The following SULF1 variants were observed in gnomAD, a reference collection of about 807,000 sequenced individuals.
The protein encoded by SULF1 is sulfatase 1, also known as extracellular sulfatase Sulf-1.
Under a neutral mutation model 110.5 loss-of-function variants are expected in SULF1, and 46 were observed. The observed-to-expected ratio is 0.42, with a 90% CI of 0.33 to 0.53. The LOEUF (loss-of-function observed/expected upper bound fraction) is 0.53, where lower values mean the gene tolerates loss of function less well. Among genes scored for constraint, SULF1 ranks in the 20% least tolerant of loss-of-function variants. The probability of loss-of-function intolerance (pLI) is 0.12; values close to 1 mark genes in which losing one functional copy is unlikely to be tolerated. For missense variants in SULF1, 941 were observed against 1,094.2 expected, an observed-to-expected ratio of 0.86 and a Z score of 1.98; for synonymous variants, 371 against 387.1, an observed-to-expected ratio of 0.96 and a Z score of 0.49.
Position 69,589,703 on chromosome 8 carries a change from T to TG in SULF1, c.734+568dup, listed in dbSNP as rs1199042095. Among the ~76,000 whole-genome samples the TG allele has an allele frequency of 9.9e-5, 15 of 151,306 alleles. No individual in the cohort carries two copies. The East Asian group carries it at 2.3e-3, about 24-fold the overall frequency. ...TTTAAAGAGGCAGGAGTCTTGGAGATGGGGGGTGGGAAGGCACAAGGGAGA... is the reference window on the plus strand; with the variant it reads ...TTTAAAGAGGCAGGAGTCTTGGAGATGGGGGGGTGGGAAGGCACAAGGGAGA... On this transcript the variant is annotated intron_variant, in intron 8 of 22. Coordinates refer to ENST00000402687, the MANE Select transcript of SULF1 (RefSeq NM_001128205.2).
intron 22 of SULF1, among the ~76,000 whole-genome samples, chr8:69,642,754 G>A (rs943339723): frequency 4.6e-5 from 7 of 152,160 alleles, no homozygotes; most frequent in Admixed American, 2.0e-4. Flanking sequence ...AAGACATAAG[G>A]CTGGTCAGGG....
intron 3 of SULF1, among the ~76,000 whole-genome samples, chr8:69,511,427 T>C (rs1424365827): frequency 6.6e-6 from 1 of 152,212 alleles, no homozygotes; most frequent in Non-Finnish European, 1.5e-5. Flanking sequence ...GTCCAGATTC[T>C]GAGCCCTAAC....
At chr8:69,500,258 G>C (rs1180764949) in intron 2 of SULF1, among the ~76,000 whole-genome samples, 1 of 152,180 alleles carries the variant, frequency 6.6e-6, no homozygotes, top group Non-Finnish European at 1.5e-5. Flanking sequence ...CGTCTTGCAA[G>C]TTTTTCACAT....
chr8:69,512,936 T>A lies in SULF1; in HGVS notation c.-134+10968T>A, dbSNP rs1047209525. 7.2e-5 allele frequency among the ~76,000 whole-genome samples: 11 copies of A among 152,196 alleles called. No individual in the cohort carries two copies. In the South Asian group the frequency reaches 8.3e-4, roughly 11 times the overall value. On this transcript the variant is annotated intron_variant, in intron 3 of 22. Coordinates refer to ENST00000402687, the MANE Select transcript of SULF1 (RefSeq NM_001128205.2). The stretch of plus-strand genomic sequence containing the variant: ...CTTGATTTCCTTAACTTATTATTAT[T>A]AACATCCAGAATTTATTTCTCCCTT...
chr8:69,600,262 T>C (rs1371727569), intron 8 of SULF1, among the ~76,000 whole-genome samples: 3 of 152,194 alleles, frequency 2.0e-5, no homozygotes, highest in Non-Finnish European at 2.9e-5. Flanking sequence ...CCCTTGTACC[T>C]TACCGAGACT....
At chr8:69,558,805 A>G (rs1033388191) in intron 3 of SULF1, among the ~76,000 whole-genome samples, 50 of 152,300 alleles carry the variant, frequency 3.3e-4, no homozygotes, top group South Asian at 1.2e-3. Context: ...CCCTTGCCCC[A>G]ACAGTTTTTA....
intron 22 of SULF1, among the ~76,000 whole-genome samples, chr8:69,647,101 T>C (rs766603326): frequency 2.0e-5 from 3 of 151,762 alleles, no homozygotes; most frequent in Non-Finnish European, 4.4e-5. Flanking sequence ...CAGACCACCA[T>C]GCCTGGCTAA....
chr8:69,631,060 A>G (rs1720521805), intron 19 of SULF1, among the ~76,000 whole-genome samples: 1 of 151,660 alleles, frequency 6.6e-6, no homozygotes, highest in South Asian at 2.1e-4. Flanking sequence ...CGTGGGGAAG[A>G]CGGGTCTTTG....
At chr8:69,567,519 A>G (rs1223069092) in intron 5 of SULF1, among the ~76,000 whole-genome samples, 2 of 152,130 alleles carry the variant, frequency 1.3e-5, no homozygotes, top group African/African-American at 2.4e-5. Flanking sequence ...CCTGGCAACT[A>G]TCATTCTACT....
At chr8:69,651,219 A>C (rs1386995876) in intron 22 of SULF1, among the ~76,000 whole-genome samples, 1 of 151,628 alleles carries the variant, frequency 6.6e-6, no homozygotes, top group Admixed American at 6.6e-5. Context: ...TGCCCAGCTA[A>C]TTTTTGTATT....
intron 13 of SULF1, among the ~76,000 whole-genome samples, chr8:69,619,617 T>C (rs1809448064): frequency 6.6e-6 from 1 of 152,236 alleles, no homozygotes; most frequent in Non-Finnish European, 1.5e-5. Context: ...GCTCCCCGTA[T>C]GTGTCTGTTG....
At chr8:69,490,583 CACACACTGCCAAGGTT>C (rs1030374355), upstream of SULF1, among the ~76,000 whole-genome samples, 5 of 152,166 alleles carry the variant, frequency 3.3e-5, no homozygotes, top group Admixed American at 6.5e-5. Context: ...GTCCCCTTCC[CACACACTGCCAAGGTT>C]CCTGAAGTAC....
chr8:69,630,667 G>A (rs1023248239), intron 19 of SULF1, among the ~76,000 whole-genome samples: 6 of 152,106 alleles, frequency 3.9e-5, no homozygotes, highest in African/African-American at 9.7e-5. Context: ...TATTCAGATC[G>A]CTGGGGACAG....
At chr8:69,534,453 T>C (rs1276137584) in intron 3 of SULF1, among the ~76,000 whole-genome samples, 1 of 152,214 alleles carries the variant, frequency 6.6e-6, no homozygotes, top group Non-Finnish European at 1.5e-5. Context: ...ATAGTGCATT[T>C]GAAGAGGCCA....
At chr8:69,482,566 T>A (rs1809554539) in intron 1 of SULF1, among the ~76,000 whole-genome samples, 1 of 151,866 alleles carries the variant, frequency 6.6e-6, no homozygotes, top group Admixed American at 6.6e-5. Context: ...TATAATTTTA[T>A]AAAATCTCTG....
intron 3 of SULF1, among the ~76,000 whole-genome samples, chr8:69,562,460 T>C (rs1246800122): frequency 6.6e-6 from 1 of 152,200 alleles, no homozygotes; most frequent in Non-Finnish European, 1.5e-5. Flanking sequence ...GTATGGGGAC[T>C]GAGTGGCTGA....
intron 5 of SULF1, among the ~76,000 whole-genome samples, chr8:69,572,502 T>C (rs1805307493): frequency 6.6e-6 from 1 of 152,188 alleles, no homozygotes; most frequent in Non-Finnish European, 1.5e-5. Flanking sequence ...GTCTACAATA[T>C]ACCTTATAGT....
intron 1 of SULF1, among the ~76,000 whole-genome samples, chr8:69,486,559 G>T (rs996242492): frequency 2.0e-5 from 3 of 152,012 alleles, no homozygotes; most frequent in Non-Finnish European, 4.4e-5. Flanking sequence ...AGAGTTTTTG[G>T]TAAAGAGCTA....
intron 3 of SULF1, among the ~76,000 whole-genome samples, chr8:69,526,605 A>AG (rs11431798): frequency 6.7e-6 from 1 of 148,554 alleles, no homozygotes; most frequent in Non-Finnish European, 1.5e-5. Context: ...CTACCAAAAA[A>AG]AAAAAAAAAG....
Sources: allele counts gnomAD v4.1 joint callset (sites outside exome capture counted in the v4.1 genomes callset), GRCh38; gene constraint gnomAD v4.1.1; transcripts MANE v1.5; gene names NCBI Gene and HGNC (gene_info 2026-07-23, HGNC 2026-07-21).